ARHGAP9: variants seen among roughly 807,000 people sequenced by gnomAD.
The protein encoded by ARHGAP9 is rho GTPase-activating protein 9.
In ARHGAP9, 76 loss-of-function variants were observed where a neutral mutation model predicts 87.3. The ratio of observed to expected loss-of-function variants is 0.87; its 90% confidence interval spans 0.72 to 1.05. The LOEUF (loss-of-function observed/expected upper bound fraction) is 1.05, where lower values mean the gene tolerates loss of function less well. Among genes scored for constraint, ARHGAP9 ranks in the 50% least tolerant of loss-of-function variants. The pLI, the probability that ARHGAP9 is intolerant of heterozygous loss-of-function variation, is 0.00. For missense variants in ARHGAP9, 941 were observed against 960.5 expected (o/e 0.98, Z 0.27); for synonymous variants, 382 against 394.9 (o/e 0.97, Z 0.39).
exon 1 of ARHGAP9, chr12:57,488,797 C>G (rs942709216): frequency 2.3e-6 from 2 of 854,548 alleles, no homozygotes; most frequent in African/African-American, 1.7e-5. Flanking sequence ...TCTGCAGTCC[C>G]CATCTGTTGC....
intron 2 of ARHGAP9, 51 bp downstream of exon 2, chr12:57,479,040 A>C: frequency 6.3e-7 from 1 of 1,580,368 alleles, no homozygotes; most frequent in Non-Finnish European, 8.6e-7. Context: ...GGGAGGTAGG[A>C]AGGTGATGGG....
intron 1 of ARHGAP9, among the ~76,000 whole-genome samples, chr12:57,485,565 A>AAC (rs1875336844): frequency 6.7e-6 from 1 of 150,216 alleles, no homozygotes; most frequent in Non-Finnish European, 1.5e-5. Context: ...TGAAAAAAAA[A>AAC]AAAAACAAAA....
chr12:57,484,955 A>AT (rs1400462879), intron 1 of ARHGAP9, among the ~76,000 whole-genome samples: 2 of 139,764 alleles, frequency 1.4e-5, no homozygotes, highest in African/African-American at 2.7e-5. Flanking sequence ...GTATTTATTT[A>AT]TTTTTTTTGA....
Position 57,478,528 on chromosome 12 carries a change from G to T in ARHGAP9, c.534+12C>A. On this transcript the variant is annotated intron_variant, in intron 3 of 17. Transcript: ENST00000393791. Reference sequence around the variant, plus strand: ...CTAGAACAGGGCCCAGCTCAGAAGAGCTGTGACTCACTGTGCTGGCACTGG... The same window carrying T: ...CTAGAACAGGGCCCAGCTCAGAAGATCTGTGACTCACTGTGCTGGCACTGG... The T allele has an allele frequency of 6.2e-7, 1 of 1,613,332 alleles. No homozygotes were observed. Among genetic ancestry groups the T allele is most frequent in the Non-Finnish European group, 8.5e-7 (1 of 1,179,422 alleles).
Position 57,479,715 on chromosome 12 carries a change from T to G in ARHGAP9, c.-19+15A>C, listed in dbSNP as rs79948748. ...TAGAGGAGATGACCTAGGCCAGTAGTTTTCCTCCAAGTACCTTGTGGGGCC... is the reference window on the plus strand; with the variant it reads ...TAGAGGAGATGACCTAGGCCAGTAGGTTTCCTCCAAGTACCTTGTGGGGCC... On this transcript the variant is annotated intron_variant, in intron 1 of 17. Coordinates refer to ENST00000393791, the MANE Select transcript of ARHGAP9 (RefSeq NM_032496.4). 0.032 allele frequency: 49,090 copies of G among 1,550,576 alleles called. 1,064 individuals are homozygous for G. Among genetic ancestry groups the G allele is most frequent in the East Asian group, 0.12 (5,026 of 40,888 alleles).
upstream of ARHGAP9, among the ~76,000 whole-genome samples, chr12:57,481,156 C>T (rs1874963551): frequency 6.6e-6 from 1 of 152,166 alleles, no homozygotes; most frequent in African/African-American, 2.4e-5. Flanking sequence ...TCGTCGCATT[C>T]ACTTTTAAAC....
At chr12:57,484,946 T>C (rs1345399273) in intron 1 of ARHGAP9, among the ~76,000 whole-genome samples, 1 of 150,144 alleles carries the variant, frequency 6.7e-6, no homozygotes, top group Non-Finnish European at 1.5e-5. Flanking sequence ...GCGCCCAGCG[T>C]ATTTATTTAT....
chr12:57,480,901 A>G (rs1207217721), upstream of ARHGAP9: 5 of 1,451,592 alleles, frequency 3.4e-6, no homozygotes, highest in African/African-American at 2.8e-5. Context: ...TCAGAGAGCC[A>G]GCTCTCTTCC....
In ARHGAP9 at chr12:57,472,488, A is replaced by G. The variant is rs772892905; in HGVS notation, c.*29T>C. The G allele has an allele frequency of 1.9e-6, 3 of 1,610,420 alleles. No homozygotes were observed. In the East Asian group the frequency reaches 6.7e-5, roughly 36 times the overall value. On this transcript the variant is annotated 3_prime_UTR_variant, in exon 18 of 18. Transcript: ENST00000393791. The stretch of plus-strand genomic sequence containing the variant: ...CCTCTCACCACCAGAGATGACCGGA[A>G]ATATGTTTTCTCTTCTTCCTTCCCT...
At position 57,474,064 on chromosome 12, in the gene ARHGAP9, C is replaced by T. The variant is rs1398009587; in HGVS notation, c.1896G>A (p.Leu632=). 2 of 1,613,932 alleles carry T rather than the reference C, an allele frequency of 1.2e-6. No homozygotes were observed. Among genetic ancestry groups the T allele is most frequent in the Non-Finnish European group, 1.7e-6 (2 of 1,179,928 alleles). ...TACCAAGGGCAGCACGGAAATGGGG[C>T]AGCAGCAGTGGTGGCACCAGAGGCT... is the stretch of plus-strand genomic sequence containing the variant. The part of the protein sequence containing the change: ...LPQPLVPPLL[L]PHFRAALALS... The change falls in exon 16 of 18, where the codon CTG becomes CTA. Residue 632 remains leucine (L), a synonymous_variant. Coordinates refer to ENST00000393791, the MANE Select transcript of ARHGAP9 (RefSeq NM_032496.4).
upstream of ARHGAP9, chr12:57,480,786 T>C: frequency 1.3e-6 from 2 of 1,550,486 alleles, no homozygotes. Flanking sequence ...ACCTGGCCAC[T>C]CCTCTTTTCC....
Position 57,476,909 on chromosome 12 carries a change from C to A in ARHGAP9, c.925G>T (p.Ala309Ser), listed in dbSNP as rs1488554813. 1.2e-6 allele frequency: 2 copies of A among 1,613,722 alleles called. No individual in the cohort carries two copies. Among genetic ancestry groups the A allele is most frequent in the Admixed American group, 3.3e-5 (2 of 59,966 alleles). ...AGGAGCTGCGGCAGAGGTCGAGGGG[C>A]CTGCAAGGCTGGAGGGTCAAGCTGC... Reference protein sequence around the residue: ...TSQLDPPALQAPRPLPQLLDD... With the variant: ...TSQLDPPALQSPRPLPQLLDD... The change falls in exon 6 of 18, where the codon GCC becomes TCC. Residue 309 changes from alanine to serine, a missense_variant. Physicochemically the swap from Ala to Ser is moderately conservative, Grantham distance 99 (BLOSUM62 1). Coordinates refer to ENST00000393791, the MANE Select transcript of ARHGAP9 (RefSeq NM_032496.4).
intron 12 of ARHGAP9, 124 bp from the exon 13 acceptor site, chr12:57,475,097 G>A: frequency 8.6e-7 from 1 of 1,159,386 alleles, no homozygotes; most frequent in Non-Finnish European, 1.2e-6. Flanking sequence ...CCTGGGCAAG[G>A]AAATACACTC....
upstream of ARHGAP9, among the ~76,000 whole-genome samples, chr12:57,481,421 T>C (rs1354878885): frequency 6.6e-6 from 1 of 152,150 alleles, no homozygotes; most frequent in Non-Finnish European, 1.5e-5. Flanking sequence ...CGCTATTTTT[T>C]TTTGTATTTT....
In ARHGAP9 at chr12:57,488,569, C is replaced by T. The variant is rs535904704; in HGVS notation, c.-204+43G>A. 3.9e-6 allele frequency: 6 copies of T among 1,550,502 alleles called. No homozygotes were observed. The East Asian group carries it at 7.3e-5, about 19-fold the overall frequency. Reference sequence around the variant, plus strand: ...ACCCTTTTGTGTTCTTAGGAAATCCCTCTCTCCCCTCCTAACACACACACA... The same window carrying T: ...ACCCTTTTGTGTTCTTAGGAAATCCTTCTCTCCCCTCCTAACACACACACA... On this transcript the variant is annotated intron_variant, in intron 1 of 20. Transcript: ENST00000393797.
intron 2 of ARHGAP9, 29 bp from the exon 3 acceptor site, chr12:57,478,786 G>A (rs1874602026): frequency 6.3e-7 from 1 of 1,581,664 alleles, no homozygotes; most frequent in Non-Finnish European, 8.6e-7. Flanking sequence ...AGGGTGGGTG[G>A]CAGGTGATCA....
chr12:57,477,790 G>C (rs1874339661), intron 3 of ARHGAP9, 110 bp from the exon 4 acceptor site: 8 of 1,538,744 alleles, frequency 5.2e-6, no homozygotes, highest in South Asian at 1.2e-5. Flanking sequence ...CTCACCGCCA[G>C]CTCTGGGCTG....
chr12:57,479,841 A>G lies in ARHGAP9; in HGVS notation c.-130T>C, dbSNP rs1874831741. 6.7e-7 allele frequency: 1 copy of G among 1,498,052 alleles called. No homozygotes were observed. Among genetic ancestry groups the G allele is most frequent in the Admixed American group, 2.5e-5 (1 of 40,432 alleles). The allele number at this position is 1,498,052 out of a possible 1,614,324, so 92.8% of individuals were successfully genotyped here. On this transcript the variant is annotated 5_prime_UTR_variant, in exon 1 of 18. Transcript: ENST00000393791. ...GAAGAAAGAATCAGGTTCAAGACAG[A>G]AACAGGGAGACACAAGGTTAATGAC...
rs767667684 is a variant in ARHGAP9 at position 57,476,470 on chromosome 12, G to A, written c.1026-16C>T. The A allele has an allele frequency of 6.2e-7, 1 of 1,613,928 alleles. No homozygotes were observed. On this transcript the variant is annotated splice_polypyrimidine_tract_variant and intron_variant, in intron 7 of 17. Coordinates refer to ENST00000393791, the MANE Select transcript of ARHGAP9 (RefSeq NM_032496.4). ...CCAGTTCTTCCTGCGGGGACAGAGA[G>A]GGGAGGTAGTGGTAGCGAACAGGTC...
Sources: gnomAD v4.1 joint callset for allele counts (sites outside exome capture counted in the v4.1 genomes callset) on GRCh38, gnomAD v4.1.1 for gene constraint, MANE v1.5 for transcripts, NCBI Gene and HGNC (gene_info 2026-07-23, HGNC 2026-07-21) for gene names.